Variants in TNIK observed in about 807,000 individuals in gnomAD.
TNIK encodes TRAF2 and NCK-interacting protein kinase.
A neutral mutation model predicts 191.3 loss-of-function variants in TNIK; 49 were observed. That is an observed-to-expected ratio of 0.26 (90% CI 0.20 to 0.32). The LOEUF is 0.32. Among genes scored for constraint, TNIK ranks in the 10% least tolerant of loss-of-function variants. TNIK has a pLI of 1.00. For synonymous variants in TNIK, 594 were observed against 600.9 expected (o/e 0.99, Z 0.17); for missense variants, 1,155 against 1,702.3 (o/e 0.68, Z 5.66).
chr3:171,297,492 G>A (rs1217865224), intron 2 of TNIK, among the ~76,000 whole-genome samples: 2 of 152,174 alleles, frequency 1.3e-5, no homozygotes, highest in African/African-American at 2.4e-5. Context: ...TGTCAGGGCT[G>A]CACATGATAA....
At chr3:171,344,339 T>C (rs1405222999) in intron 2 of TNIK, among the ~76,000 whole-genome samples, 1 of 152,166 alleles carries the variant, frequency 6.6e-6, no homozygotes, top group Non-Finnish European at 1.5e-5. Flanking sequence ...TTCTTTACAT[T>C]TTTTATAGGC....
At chr3:171,456,632 G>A (rs190149526) in intron 1 of TNIK, among the ~76,000 whole-genome samples, 4 of 152,184 alleles carry the variant, frequency 2.6e-5, no homozygotes, top group Admixed American at 6.5e-5. Flanking sequence ...TCAGACAGTC[G>A]TTTGCCTGCA....
chr3:171,109,042 A>G (rs1725420307), intron 19 of TNIK, among the ~76,000 whole-genome samples: 1 of 152,254 alleles, frequency 6.6e-6, no homozygotes, highest in South Asian at 2.1e-4. Context: ...AAGGAAATAA[A>G]AAGTAAGCCT....
rs1577116438 is a variant in TNIK, at chr3:171,205,831, C to G, written c.306+5285G>C. 2.6e-5 allele frequency among the ~76,000 whole-genome samples: 4 copies of G among 152,312 alleles called. No individual in the cohort carries two copies. The East Asian group carries it at 7.7e-4, about 29-fold the overall frequency. The stretch of plus-strand genomic sequence containing the variant: ...CTGGATCCAGGTTGCAGACTGTTAA[C>G]TTCTCAGAAAGACAGCAAGGGAGCT... On this transcript the variant is annotated intron_variant, in intron 4 of 32. Transcript: ENST00000436636.
chr3:171,280,986 A>C (rs1750358719), intron 2 of TNIK, among the ~76,000 whole-genome samples: 1 of 152,238 alleles, frequency 6.6e-6, no homozygotes, highest in South Asian at 2.1e-4. Flanking sequence ...CCTACTGAAT[A>C]AACAGTCTCA....
At chr3:171,284,770 C>A (rs1003502291) in intron 2 of TNIK, among the ~76,000 whole-genome samples, 1 of 152,164 alleles carries the variant, frequency 6.6e-6, no homozygotes, top group Non-Finnish European at 1.5e-5. Context: ...AAATCCTCCA[C>A]AAACTCTAGC....
chr3:171,312,099 C>T (rs185672144), intron 2 of TNIK, among the ~76,000 whole-genome samples: 2 of 118,860 alleles, frequency 1.7e-5, no homozygotes, highest in Admixed American at 1.1e-4. Context: ...CTGTCCCTAA[C>T]GGCAGCTCCA....
At chr3:171,251,269 A>C (rs1746188814) in intron 2 of TNIK, among the ~76,000 whole-genome samples, 1 of 152,226 alleles carries the variant, frequency 6.6e-6, no homozygotes, top group Admixed American at 6.5e-5. Context: ...AGAAGGAAGA[A>C]GGGATGAGTC....
chr3:171,241,779 G>C (rs529623696), intron 2 of TNIK, among the ~76,000 whole-genome samples: 12 of 152,012 alleles, frequency 7.9e-5, no homozygotes, highest in South Asian at 4.2e-4. Flanking sequence ...AATGTCCATC[G>C]ATGATAGACT....
At chr3:171,075,862 G>C (rs1157335297) in intron 28 of TNIK, among the ~76,000 whole-genome samples, 1 of 151,690 alleles carries the variant, frequency 6.6e-6, no homozygotes, top group Non-Finnish European at 1.5e-5. Flanking sequence ...TCAGCCTCCC[G>C]AGTAGCTGGG....
chr3:171,365,390 C>G (rs547096312), intron 2 of TNIK, among the ~76,000 whole-genome samples: 2 of 151,892 alleles, frequency 1.3e-5, no homozygotes, highest in Non-Finnish European at 2.9e-5. Context: ...CCACGTTGGT[C>G]AGGCTGGTCT....
intron 7 of TNIK, among the ~76,000 whole-genome samples, chr3:171,180,241 A>G (rs1342411630): frequency 6.6e-6 from 1 of 152,174 alleles, no homozygotes; most frequent in Non-Finnish European, 1.5e-5. Flanking sequence ...GCACCTCAGC[A>G]GTGATGTGCT....
intron 24 of TNIK, among the ~76,000 whole-genome samples, chr3:171,086,618 G>A (rs1444746923): frequency 6.6e-6 from 1 of 152,222 alleles, no homozygotes; most frequent in Non-Finnish European, 1.5e-5. Context: ...TAAAAACTTA[G>A]TGTGTGGACA....
chr3:171,319,444 A>G (rs942078979), intron 2 of TNIK, among the ~76,000 whole-genome samples: 2 of 152,148 alleles, frequency 1.3e-5, no homozygotes, highest in African/African-American at 4.8e-5. Context: ...TTTAACTACT[A>G]CGGCTAATAA....
chr3:171,120,359 T>C (rs1358702662), intron 18 of TNIK, among the ~76,000 whole-genome samples: 14 of 150,698 alleles, frequency 9.3e-5, no homozygotes, highest in East Asian at 7.8e-4. Context: ...CTTGCTCTGT[T>C]GCCCAGGCTG....
chr3:171,429,195 C>T (rs143276619), intron 1 of TNIK, among the ~76,000 whole-genome samples: 313 of 152,258 alleles, frequency 2.1e-3, no homozygotes, highest in African/African-American at 6.8e-3. Context: ...AAGCAAGCTG[C>T]GTTATTTTAA....
intron 6 of TNIK, among the ~76,000 whole-genome samples, chr3:171,190,056 T>G (rs145780668): frequency 6.6e-6 from 1 of 152,348 alleles, no homozygotes; most frequent in Non-Finnish European, 1.5e-5. Flanking sequence ...TGGATATTTG[T>G]CAATTCATGC....
intron 2 of TNIK, among the ~76,000 whole-genome samples, chr3:171,327,900 TAAA>T (rs71634497): frequency 7.0e-3 from 558 of 79,552 alleles, no homozygotes; most frequent in African/African-American, 0.021. Context: ...ACCTGGCTCA[TAAA>T]AAAAAAAAAA....
At chr3:171,206,672 T>A (rs1740134142) in intron 4 of TNIK, among the ~76,000 whole-genome samples, 1 of 152,130 alleles carries the variant, frequency 6.6e-6, no homozygotes, top group Non-Finnish European at 1.5e-5. Flanking sequence ...AATCTGGTCC[T>A]GCATCATCCA....
Sources: allele counts gnomAD v4.1 joint callset (sites outside exome capture counted in the v4.1 genomes callset), GRCh38; gene constraint gnomAD v4.1.1; transcripts MANE v1.5; gene names NCBI Gene and HGNC (gene_info 2026-07-23, HGNC 2026-07-21).